The following ROR1 variants were observed in gnomAD, a reference collection of about 807,000 sequenced individuals.
The protein encoded by ROR1 is inactive tyrosine-protein kinase transmembrane receptor ROR1.
A neutral mutation model predicts 78.8 loss-of-function variants in ROR1; 19 were observed. That is an observed-to-expected ratio of 0.24 (90% CI 0.17 to 0.35). The LOEUF is 0.35. Ranked by LOEUF, ROR1 falls within the 10% of genes least tolerant of loss-of-function variation. ROR1 has a pLI of 1.00. For synonymous variants in ROR1, 386 were observed against 433.6 expected (o/e 0.89, Z 1.36); for missense variants, 917 against 1,177.8 (o/e 0.78, Z 3.24).
chr1:63,895,526 GT>G (rs991119782), intron 1 of ROR1, among the ~76,000 whole-genome samples: 4 of 152,136 alleles, frequency 2.6e-5, no homozygotes, highest in African/African-American at 9.7e-5. Flanking sequence ...GTTTTGGCAT[GT>G]TTAGTCTCCC....
intron 1 of ROR1, among the ~76,000 whole-genome samples, chr1:63,953,882 G>C (rs987767971): frequency 6.6e-6 from 1 of 152,168 alleles, no homozygotes; most frequent in Non-Finnish European, 1.5e-5. Context: ...AGAAAATGTG[G>C]AACTAGATGC....
At chr1:63,797,940 G>A (rs540806707) in intron 1 of ROR1, among the ~76,000 whole-genome samples, 99 of 149,440 alleles carry the variant, frequency 6.6e-4, no homozygotes, top group African/African-American at 2.4e-3. Flanking sequence ...ACTAAATACT[G>A]CACCACATAA....
intron 4 of ROR1, among the ~76,000 whole-genome samples, chr1:64,051,922 G>A (rs1202177676): frequency 6.6e-6 from 1 of 152,172 alleles, no homozygotes; most frequent in Admixed American, 6.5e-5. Context: ...TACAGTGTGG[G>A]GTATTTTAAT....
At chr1:64,108,693 G>A (rs1446845319) in intron 4 of ROR1, among the ~76,000 whole-genome samples, 1 of 152,032 alleles carries the variant, frequency 6.6e-6, no homozygotes, top group African/African-American at 2.4e-5. Flanking sequence ...ACAACAAAAA[G>A]TTAGCAAAAG....
intron 4 of ROR1, among the ~76,000 whole-genome samples, chr1:64,132,317 G>T (rs767672196): frequency 2.0e-5 from 3 of 152,076 alleles, no homozygotes; most frequent in Non-Finnish European, 2.9e-5. Flanking sequence ...ATGAACACCT[G>T]AGTTGTTCCC....
At chr1:63,781,382 A>C (rs943283621) in intron 1 of ROR1, among the ~76,000 whole-genome samples, 1 of 152,180 alleles carries the variant, frequency 6.6e-6, no homozygotes, top group Non-Finnish European at 1.5e-5. Context: ...AGGCTCAGGA[A>C]GGTAAGTATC....
intron 1 of ROR1, among the ~76,000 whole-genome samples, chr1:63,911,538 A>T (rs1645569917): frequency 6.6e-6 from 1 of 151,944 alleles, no homozygotes; most frequent in South Asian, 2.1e-4. Flanking sequence ...GAATCTAACT[A>T]ATGCCTGATG....
chr1:63,908,378 A>G lies in ROR1; in HGVS notation c.92-100927A>G, dbSNP rs149003482. On this transcript the variant is annotated intron_variant, in intron 1 of 8. Transcript: ENST00000371079. ...CCACAGGCTCAGATCTGTGATTCCC[A>G]ACATCTTTTTATATGAGGGCCTATT... Among the ~76,000 whole-genome samples the G allele has an allele frequency of 2.8e-3, 420 of 152,310 alleles. 2 individuals carry two copies. Among genetic ancestry groups the G allele is most frequent in the African/African-American group, 9.8e-3 (408 of 41,560 alleles).
At chr1:63,888,952 G>C (rs1357182062) in intron 1 of ROR1, among the ~76,000 whole-genome samples, 51 of 152,034 alleles carry the variant, frequency 3.4e-4, no homozygotes, top group Non-Finnish European at 3.1e-4. Flanking sequence ...AGTTTCTAAG[G>C]GTCAAGAATC....
intron 1 of ROR1, among the ~76,000 whole-genome samples, chr1:63,872,190 C>T (rs1000397814): frequency 6.6e-5 from 10 of 152,174 alleles, no homozygotes; most frequent in Admixed American, 2.6e-4. Flanking sequence ...CATTAGTAAA[C>T]GGTTAAATAT....
chr1:63,969,202 G>T (rs2100494885), intron 1 of ROR1, among the ~76,000 whole-genome samples: 1 of 152,322 alleles, frequency 6.6e-6, no homozygotes, highest in Admixed American at 6.5e-5. Flanking sequence ...GAATGAAGAA[G>T]ATGGAAGACT....
chr1:64,030,715 T>C (rs375848948), intron 2 of ROR1, among the ~76,000 whole-genome samples: 49 of 152,340 alleles, frequency 3.2e-4, no homozygotes, highest in African/African-American at 1.2e-3. Context: ...TCAGGAATTC[T>C]CTATCCCTGA....
rs895056013 is a variant in ROR1 at position 64,179,025 on chromosome 1, A to G, written c.*170A>G. The G allele has an allele frequency of 6.9e-4, 5 of 7,294 alleles. No individual in the cohort carries two copies. The highest frequency in any genetic ancestry group is 4.0e-3 in the African/African-American group (2 of 504). 0.5% of individuals were successfully genotyped at this position (7,294 alleles called of 1,614,324 possible). A position where few individuals can be genotyped will look rare whatever the true frequency, so the allele number is the denominator to read the frequency against. ...CCAAGCAGGACAGACACTCGGCCAG[A>G]AAAAAAAAAAAAAAAAAAAAACAAG... On this transcript the variant is annotated 3_prime_UTR_variant, in exon 9 of 9. Coordinates refer to ENST00000371079, the MANE Select transcript of ROR1 (RefSeq NM_005012.4).
chr1:64,133,754 C>G (rs549283148), intron 4 of ROR1, among the ~76,000 whole-genome samples: 1 of 152,358 alleles, frequency 6.6e-6, no homozygotes, highest in East Asian at 1.9e-4. Flanking sequence ...GGCACGCTCA[C>G]TGCAAGTGCC....
At chr1:63,992,737 C>G (rs1646306078) in intron 1 of ROR1, among the ~76,000 whole-genome samples, 1 of 152,172 alleles carries the variant, frequency 6.6e-6, no homozygotes, top group South Asian at 2.1e-4. Flanking sequence ...AAGATAATAA[C>G]ACATCAGCAA....
intron 4 of ROR1, among the ~76,000 whole-genome samples, chr1:64,078,513 A>G (rs1029362572): frequency 5.9e-5 from 9 of 152,202 alleles, no homozygotes; most frequent in African/African-American, 2.2e-4. Flanking sequence ...TGCTTCAGTT[A>G]GAAGGAGGGA....
intron 4 of ROR1, among the ~76,000 whole-genome samples, chr1:64,078,360 G>T (rs1423545286): frequency 5.3e-5 from 8 of 152,172 alleles, no homozygotes; most frequent in Admixed American, 5.2e-4. Context: ...CAGATCTTTG[G>T]TATGTGTGGA....
chr1:63,892,542 T>A (rs1235938212), intron 1 of ROR1, among the ~76,000 whole-genome samples: 1 of 152,210 alleles, frequency 6.6e-6, no homozygotes, highest in Non-Finnish European at 1.5e-5. Flanking sequence ...TTTACAGATG[T>A]GAAAGCCTGA....
At chr1:63,879,374 T>TGA (rs1645308835) in intron 1 of ROR1, among the ~76,000 whole-genome samples, 2 of 152,008 alleles carry the variant, frequency 1.3e-5, no homozygotes, top group African/African-American at 4.8e-5. Context: ...GGGAGTGAGT[T>TGA]GAGATGAGGT....
Sources: allele counts gnomAD v4.1 joint callset (sites outside exome capture counted in the v4.1 genomes callset), GRCh38; gene constraint gnomAD v4.1.1; transcripts MANE v1.5; gene names NCBI Gene and HGNC (gene_info 2026-07-23, HGNC 2026-07-21).